Variants in PIEZO2 observed in about 807,000 individuals in gnomAD.
PIEZO2 encodes piezo-type mechanosensitive ion channel component 2.
PIEZO2 carries 172 observed loss-of-function variants against 337.3 expected under a neutral mutation model. The ratio of observed to expected loss-of-function variants is 0.51; its 90% CI spans 0.45 to 0.58. The LOEUF is 0.58. Among genes scored for constraint, PIEZO2 ranks in the 20% least tolerant of loss-of-function variants. The pLI is 0.00. For missense variants in PIEZO2, 3,028 were observed against 3,391.3 expected (o/e 0.89, Z 2.66); for synonymous variants, 1,251 against 1,228.5 (o/e 1.02, Z -0.38).
At chr18:11,073,605 A>G (rs968268995) in intron 1 of PIEZO2, among the ~76,000 whole-genome samples, 6 of 152,144 alleles carry the variant, frequency 3.9e-5, no homozygotes, top group South Asian at 2.1e-4. Context: ...ATAAATAAAA[A>G]ATAAACCACC....
rs2144833742 is a variant in PIEZO2 at position 10,878,794 on chromosome 18, A to G, written c.330-7379T>C. 6.6e-6 allele frequency among the ~76,000 whole-genome samples: 1 copy of G among 152,204 alleles called. No homozygotes were observed. Among genetic ancestry groups the G allele is most frequent in the East Asian group, 1.9e-4 (1 of 5,174 alleles). On this transcript the variant is annotated intron_variant, in intron 4 of 55. Coordinates refer to ENST00000674853, the MANE Select transcript of PIEZO2 (RefSeq NM_001378183.1). This position sits in a 1 kb window ranked among gnomAD's most constrained non-coding sequence, Gnocchi z 4.3. ...GCTTGGATGTTTTGAAAAAAAAAAAAAATCACATAACCAGAACTACAGAAA... is the reference window on the plus strand; with the variant it reads ...GCTTGGATGTTTTGAAAAAAAAAAAGAATCACATAACCAGAACTACAGAAA...
intron 4 of PIEZO2, among the ~76,000 whole-genome samples, chr18:10,901,300 T>C (rs1203661578): frequency 6.6e-6 from 1 of 152,126 alleles, no homozygotes; most frequent in Non-Finnish European, 1.5e-5. Flanking sequence ...CCTCAGGGTT[T>C]TCTTTGAGCC....
At chr18:10,745,710 A>G (rs1164555629) in intron 30 of PIEZO2, among the ~76,000 whole-genome samples, 2 of 151,880 alleles carry the variant, frequency 1.3e-5, no homozygotes, top group Non-Finnish European at 2.9e-5. Flanking sequence ...ATGTTCTCCA[A>G]GGTTCTCTTC....
In PIEZO2 at chr18:10,795,287, C is replaced by A. The variant is rs2039539756; in HGVS notation, c.1528-285G>T. 6.6e-6 allele frequency among the ~76,000 whole-genome samples: 1 copy of A among 151,732 alleles called. No individual in the cohort carries two copies. Among genetic ancestry groups the A allele is most frequent in the Non-Finnish European group, 1.5e-5 (1 of 67,928 alleles). ...TGTTGTTTTTACAATAGACTTTTTTCAGTTAAGTAGCAAAATGTGTATTCA... is the reference window on the plus strand; with the variant it reads ...TGTTGTTTTTACAATAGACTTTTTTAAGTTAAGTAGCAAAATGTGTATTCA... On this transcript the variant is annotated intron_variant, in intron 12 of 55. Coordinates refer to ENST00000674853, the MANE Select transcript of PIEZO2 (RefSeq NM_001378183.1). The surrounding 1 kb of genome is among the most constrained non-coding windows in gnomAD (Gnocchi z 4.4).
intron 2 of PIEZO2, among the ~76,000 whole-genome samples, chr18:11,049,425 A>G (rs2037439102): frequency 6.6e-6 from 1 of 152,210 alleles, no homozygotes; most frequent in Non-Finnish European, 1.5e-5. Flanking sequence ...ACACCAGGTA[A>G]CGTTTGTCAA....
intron 1 of PIEZO2, among the ~76,000 whole-genome samples, chr18:11,093,574 ATCTT>A: frequency 7.9e-6 from 1 of 126,286 alleles, no homozygotes; most frequent in Non-Finnish European, 1.6e-5. Flanking sequence ...TTCACTCAAC[ATCTT>A]TTTTTTTTTT....
chr18:10,937,282 G>C (rs1464269512), intron 3 of PIEZO2, among the ~76,000 whole-genome samples: 2 of 152,158 alleles, frequency 1.3e-5, no homozygotes, highest in Non-Finnish European at 2.9e-5. Flanking sequence ...CAAACACAAG[G>C]AGGTTTCATG....
chr18:10,857,655 T>A (rs56307211), intron 5 of PIEZO2, among the ~76,000 whole-genome samples: 42,625 of 152,136 alleles, frequency 0.28, 5,967 homozygotes, highest in African/African-American at 0.33. Flanking sequence ...CTGGTTTTTT[T>A]CTAAGTTTAT....
At chr18:11,139,018 A>G (rs1397951031) in intron 1 of PIEZO2, among the ~76,000 whole-genome samples, 3 of 152,230 alleles carry the variant, frequency 2.0e-5, no homozygotes, top group Admixed American at 6.5e-5. Flanking sequence ...GAAGGAACTC[A>G]CACTAGCCAA....
At chr18:11,060,196 T>G (rs955197325) in intron 2 of PIEZO2, among the ~76,000 whole-genome samples, 1 of 152,134 alleles carries the variant, frequency 6.6e-6, no homozygotes, top group African/African-American at 2.4e-5. Context: ...ATAAAGATGT[T>G]CTTTGAAACC....
intron 3 of PIEZO2, among the ~76,000 whole-genome samples, chr18:10,957,370 C>A: frequency 6.6e-6 from 1 of 150,426 alleles, no homozygotes; most frequent in South Asian, 2.1e-4. Context: ...GCACTCCAGC[C>A]TGGGTGACAG....
intron 51 of PIEZO2, among the ~76,000 whole-genome samples, 189 bp from the exon 52 acceptor site, chr18:10,680,560 T>C (rs1256953509): frequency 6.6e-6 from 1 of 152,238 alleles, no homozygotes; most frequent in Non-Finnish European, 1.5e-5. Context: ...GTATGGGCAG[T>C]TTCCAGTTAC....
intron 2 of PIEZO2, among the ~76,000 whole-genome samples, chr18:11,054,873 G>A (rs1380431427): frequency 6.6e-6 from 1 of 152,156 alleles, no homozygotes; most frequent in Non-Finnish European, 1.5e-5. Context: ...AGGCACTCCT[G>A]CCTGAGAAAC....
At chr18:10,938,420 G>C (rs551708855) in intron 3 of PIEZO2, among the ~76,000 whole-genome samples, 1 of 152,304 alleles carries the variant, frequency 6.6e-6, no homozygotes, top group African/African-American at 2.4e-5. Context: ...CCTATTTTAG[G>C]CACTGACTTC....
At chr18:11,086,631 A>T (rs1018323708) in intron 1 of PIEZO2, among the ~76,000 whole-genome samples, 1 of 152,230 alleles carries the variant, frequency 6.6e-6, no homozygotes, top group Non-Finnish European at 1.5e-5. Context: ...ACAAATTTAC[A>T]AATCTGTCAG....
In PIEZO2 at chr18:10,824,391, TG is replaced by T. The variant is rs1768319025; in HGVS notation, c.918-17118del. On this transcript the variant is annotated intron_variant, in intron 7 of 55. Coordinates refer to ENST00000674853, the MANE Select transcript of PIEZO2 (RefSeq NM_001378183.1). This position sits in a 1 kb window ranked among gnomAD's most constrained non-coding sequence, Gnocchi z 4.4. ...TTTTTCAAAACTTCTTTAGGTTTTA[TG>T]TTTTATTTAGATACAGACAAGTTAT... 1.3e-5 allele frequency among the ~76,000 whole-genome samples: 2 copies of T among 152,256 alleles called. No individual in the cohort carries two copies. The highest frequency in any genetic ancestry group is 1.3e-4 in the Admixed American group (2 of 15,290).
rs946785366 is a variant in PIEZO2, at chr18:11,038,432, C to T, written c.160+27695G>A. ...CCATGCCAAGTGTAAGCCGGAGGCC[C>T]TTATTTAAGAATCTCCACCCATTCC... On this transcript the variant is annotated intron_variant, in intron 2 of 55. Coordinates refer to ENST00000674853, the MANE Select transcript of PIEZO2 (RefSeq NM_001378183.1). This position sits in a 1 kb window ranked among gnomAD's most constrained non-coding sequence, Gnocchi z 4.1. Among the ~76,000 whole-genome samples the T allele has an allele frequency of 4.6e-5, 7 of 152,074 alleles. No homozygotes were observed. Among genetic ancestry groups the T allele is most frequent in the African/African-American group, 1.4e-4 (6 of 41,390 alleles).
intron 3 of PIEZO2, among the ~76,000 whole-genome samples, chr18:10,939,619 G>A (rs554809456): frequency 6.6e-6 from 1 of 152,286 alleles, no homozygotes; most frequent in Admixed American, 6.5e-5. Flanking sequence ...CCTTTGCAGG[G>A]ACATGGATGA....
intron 7 of PIEZO2, among the ~76,000 whole-genome samples, chr18:10,809,063 A>T (rs4411565): frequency 0.79 from 120,798 of 152,070 alleles, 48,017 homozygotes; most frequent in East Asian, 0.93. Flanking sequence ...GCCACTGATA[A>T]CATAACTGAT....
Sources: gnomAD v4.1 joint callset for allele counts (sites outside exome capture counted in the v4.1 genomes callset) on GRCh38, gnomAD v4.1.1 for gene constraint, Gnocchi (gnomAD v3.1) non-coding constraint, MANE v1.5 for transcripts, NCBI Gene and HGNC (gene_info 2026-07-23, HGNC 2026-07-21) for gene names.